Variants in HSPG2 observed in about 807,000 individuals in gnomAD.
HSPG2 encodes the protein basement membrane-specific heparan sulfate proteoglycan core protein.
HSPG2 carries 278 observed loss-of-function variants against 526.6 expected under a neutral mutation model. The ratio of observed to expected loss-of-function variants is 0.53; its 90% confidence interval spans 0.48 to 0.58. The LOEUF is 0.58. HSPG2 is among the 20% of genes least tolerant of loss of function. The pLI is 0.00. For missense variants in HSPG2, 5,354 were observed against 6,099.5 expected, an observed-to-expected ratio of 0.88 and a Z score of 4.07; for synonymous variants, 2,465 against 2,555.4, an observed-to-expected ratio of 0.96 and a Z score of 1.07.
rs1257261723 is a variant in HSPG2, at chr1:21,898,791, C to T, written c.64-2481G>A. 6.6e-6 allele frequency among the ~76,000 whole-genome samples: 1 copy of T among 152,210 alleles called. No individual in the cohort carries two copies. The highest frequency in any genetic ancestry group is 1.9e-4 in the East Asian group (1 of 5,190). On this transcript the variant is annotated intron_variant, in intron 1 of 96. Transcript: ENST00000374695. The surrounding 1 kb of genome is among the most constrained non-coding windows in gnomAD (Gnocchi z 4.0). ...GCTCTGTCAATGCCAATCCCCCTCT[C>T]ATTGCAACCAAGGTTATGGAGGGCA...
intron 1 of HSPG2, among the ~76,000 whole-genome samples, chr1:21,911,164 G>A (rs1008750531): frequency 3.3e-5 from 5 of 152,210 alleles, no homozygotes; most frequent in African/African-American, 7.2e-5. Context: ...TCTTCAGGTC[G>A]TTGGTAGGAT....
chr1:21,923,950 T>C (rs1644115416), intron 1 of HSPG2, among the ~76,000 whole-genome samples: 2 of 152,232 alleles, frequency 1.3e-5, no homozygotes, highest in Admixed American at 1.3e-4. Flanking sequence ...TTGTGACTCC[T>C]AGTCACACTT....
At chr1:21,920,312 C>G (rs1644000886) in intron 1 of HSPG2, among the ~76,000 whole-genome samples, 1 of 152,260 alleles carries the variant, frequency 6.6e-6, no homozygotes, top group African/African-American at 2.4e-5. Flanking sequence ...AAGGCCAAGT[C>G]TGCCAAGTCA....
In HSPG2 at chr1:21,824,370, C is replaced by T. The variant is rs1383334331; in HGVS notation, c.12751G>A (p.Gly4251Arg). Residue 4251 changes from glycine to arginine, a missense_variant, in exon 94 of 97, where the codon GGA becomes AGA. Transcript: ENST00000374695. The surrounding 1 kb of genome is among the most constrained non-coding windows in gnomAD (Gnocchi z 5.9). ...AAGTCCTTGCCTTGGCCGGCCTCTCCCACCTCCTGCCAGGGAAGCACAGGG... is the reference window on the plus strand; with the variant it reads ...AAGTCCTTGCCTTGGCCGGCCTCTCTCACCTCCTGCCAGGGAAGCACAGGG... The part of the protein sequence containing the change: ...GLLLWQGVEV[G>R]EAGQGKDFIS... 3.7e-6 allele frequency: 6 copies of T among 1,613,752 alleles called. No individual in the cohort carries two copies. Among genetic ancestry groups the T allele is most frequent in the Non-Finnish European group, 4.2e-6 (5 of 1,180,016 alleles).
intron 1 of HSPG2, among the ~76,000 whole-genome samples, chr1:21,931,657 A>G (rs1305002617): frequency 6.6e-6 from 1 of 152,158 alleles, no homozygotes; most frequent in Non-Finnish European, 1.5e-5. Context: ...CATATACCCC[A>G]AGTAGTCTGA....
At position 21,881,191 on chromosome 1, in the gene HSPG2, T is replaced by G. The variant is rs1484637562; in HGVS notation, c.1818+148A>C. On this transcript the variant is annotated intron_variant, in intron 14 of 96. Coordinates refer to ENST00000374695, the MANE Select transcript of HSPG2 (RefSeq NM_005529.7). ...ACAGTGCAGGGGAGAGGTCCTGCCC[T>G]GAATGGATGAGCCGCTGCCACAGGG... The G allele has an allele frequency of 8.0e-6, 8 of 1,000,766 alleles. No individual in the cohort carries two copies. The East Asian group carries it at 1.2e-4, about 15-fold the overall frequency. 62.0% of individuals were successfully genotyped at this position (1,000,766 alleles called of 1,614,324 possible).
intron 1 of HSPG2, among the ~76,000 whole-genome samples, chr1:21,899,279 G>A (rs911234127): frequency 1.3e-5 from 2 of 152,206 alleles, no homozygotes; most frequent in African/African-American, 2.4e-5. Context: ...TGGGAGAGCA[G>A]ATGGAACCAG....
At chr1:21,905,275 A>C (rs1425978260) in intron 1 of HSPG2, among the ~76,000 whole-genome samples, 2 of 151,426 alleles carry the variant, frequency 1.3e-5, no homozygotes, top group African/African-American at 4.9e-5. Context: ...ACACACACAC[A>C]CACACGCCAC....
At chr1:21,877,869 A>G (rs186464731) in intron 21 of HSPG2, among the ~76,000 whole-genome samples, 21 of 152,328 alleles carry the variant, frequency 1.4e-4, no homozygotes, top group African/African-American at 5.1e-4. Flanking sequence ...AATTGGGGAC[A>G]CTAATATCTA....
intron 1 of HSPG2, among the ~76,000 whole-genome samples, chr1:21,934,475 A>G (rs1644428891): frequency 6.6e-6 from 1 of 152,128 alleles, no homozygotes; most frequent in Non-Finnish European, 1.5e-5. Context: ...GGTCTGTAAG[A>G]CTTCAGAGAC....
In HSPG2 at chr1:21,831,760, A is replaced by T. The variant is rs999864859; in HGVS notation, c.11244T>A (p.His3748Gln). The part of the protein sequence containing the change: ...DAGSGMATIR[H>Q]PTPLALGHFH... Reference sequence around the variant, plus strand: ...AATGGCCCAGGGCCAGTGGTGTGGGATGGCGGATGGTGGCCATGCCTGAGC... The same window carrying T: ...AATGGCCCAGGGCCAGTGGTGTGGGTTGGCGGATGGTGGCCATGCCTGAGC... Residue 3748 changes from histidine to glutamine, a missense_variant, in exon 82 of 97, where the codon CAT becomes CAA. His to Gln is a conservative substitution (Grantham distance 24). Transcript: ENST00000374695. 2 of 1,603,710 alleles carry T rather than the reference A, an allele frequency of 1.2e-6. No individual in the cohort carries two copies. The highest frequency in any genetic ancestry group is 3.4e-5 in the Admixed American group (2 of 59,626).
rs1265080496 is a variant in HSPG2, at chr1:21,836,848, C to A, written c.10309G>T (p.Gly3437Trp). Reference sequence around the variant, plus strand: ...CTGTGACCCGGAGGCAGCTGACCCCCTTCCTTGAACCAACGGAGCTGGGTA... The same window carrying A: ...CTGTGACCCGGAGGCAGCTGACCCCATTCCTTGAACCAACGGAGCTGGGTA... ...RGTQLRWFKEGGQLPPGHSVQ... is the reference protein window; with the variant it reads ...RGTQLRWFKEWGQLPPGHSVQ... Residue 3437 changes from glycine to tryptophan, a missense_variant, in exon 75 of 97, where the codon GGG (glycine) becomes TGG (tryptophan). Transcript: ENST00000374695. 1.3e-6 allele frequency: 2 copies of A among 1,582,258 alleles called. No homozygotes were observed. The highest frequency in any genetic ancestry group is 1.7e-6 in the Non-Finnish European group (2 of 1,164,932).
At chr1:21,875,291 C>T (rs991470539) in intron 25 of HSPG2, 4 of 595,322 alleles carry the variant, frequency 6.7e-6, no homozygotes, top group South Asian at 2.0e-5. Flanking sequence ...CCTGAAAGAA[C>T]GATCACTCTC....
intron 1 of HSPG2, among the ~76,000 whole-genome samples, chr1:21,935,095 T>C (rs1644454070): frequency 1.4e-5 from 2 of 148,086 alleles, no homozygotes; most frequent in Admixed American, 6.7e-5. Flanking sequence ...TCAGTACAGA[T>C]GGGGTTTCAC....
Position 21,841,138 on chromosome 1 carries a change from C to CGCT in HSPG2, c.9473_9475dup (p.Gln3158dup). The CGCT allele has an allele frequency of 6.2e-7, 1 of 1,613,312 alleles. No individual in the cohort carries two copies. The highest frequency in any genetic ancestry group is 1.1e-5 in the South Asian group (1 of 91,034). Reference sequence around the variant, plus strand: ...GTGGCTGTCCATGAGCCCATATGTCCGCTGCTCCAACTTGGCAGGGGTGCT... The same window carrying CGCT: ...GTGGCTGTCCATGAGCCCATATGTCCGCTGCTGCTCCAACTTGGCAGGGGTGCT... On this transcript the variant is annotated inframe_insertion, in exon 71 of 97. Coordinates refer to ENST00000374695, the MANE Select transcript of HSPG2 (RefSeq NM_005529.7).
intron 25 of HSPG2, among the ~76,000 whole-genome samples, chr1:21,875,379 C>T (rs1051230552): frequency 3.9e-5 from 6 of 152,084 alleles, no homozygotes; most frequent in African/African-American, 1.2e-4. Flanking sequence ...CCTGCATGGC[C>T]CCTCCCCCCT....
chr1:21,890,681 G>C lies in HSPG2; in HGVS notation c.258C>G (p.Ala86=). ...SGDFQMVYFR[A]LVNFTRSIEY... ...CGATGGAGCGAGTGAAATTCACCAG[G>C]GCTCGGAAATAAACTGGAAAATCGA... Residue 86 remains alanine, a synonymous_variant, in exon 4 of 97, where the codon GCC becomes GCG. Transcript: ENST00000374695. The surrounding 1 kb of genome is among the most constrained non-coding windows in gnomAD (Gnocchi z 4.1). The C allele has an allele frequency of 6.2e-7, 1 of 1,613,442 alleles. No individual in the cohort carries two copies. The highest frequency in any genetic ancestry group is 8.5e-7 in the Non-Finnish European group (1 of 1,179,458).
At position 21,865,253 on chromosome 1, in the gene HSPG2, G is replaced by T; in HGVS notation, c.4395+32C>A. The T allele has an allele frequency of 6.2e-7, 1 of 1,603,440 alleles. No homozygotes were observed. The highest frequency in any genetic ancestry group is 8.5e-7 in the Non-Finnish European group (1 of 1,170,312). ...TGAGTCAGGGTGGAGGGTGGGGTGG[G>T]GTTAGACACAGCATGGCCAGGTGCC... On this transcript the variant is annotated intron_variant, in intron 35 of 96. Coordinates refer to ENST00000374695, the MANE Select transcript of HSPG2 (RefSeq NM_005529.7). This position sits in a 1 kb window ranked among gnomAD's most constrained non-coding sequence, Gnocchi z 5.4.
chr1:21,847,807 G>A lies in HSPG2; in HGVS notation c.7907C>T (p.Ser2636Leu), dbSNP rs200071497. ...PSVSPPIRIESSSPTVVEGQT... is the reference protein window; with the variant it reads ...PSVSPPIRIELSSPTVVEGQT... ...CCCTTCCACCACCGTGGGGGAAGAC[G>A]ACTCGATCCTGATCGGTGGGGAGAC... The change falls in exon 61 of 97, where the codon TCG becomes TTG. Residue 2636 changes from serine (S) to leucine (L), a missense_variant. Ser to Leu is a moderately radical substitution (Grantham distance 145). Transcript: ENST00000374695. This position sits in a 1 kb window ranked among gnomAD's most constrained non-coding sequence, Gnocchi z 4.1. 7.4e-6 allele frequency: 12 copies of A among 1,613,868 alleles called. No individual in the cohort carries two copies. The highest frequency in any genetic ancestry group is 1.1e-5 in the South Asian group (1 of 91,074).
Sources: gnomAD v4.1 joint callset for allele counts (sites outside exome capture counted in the v4.1 genomes callset) on GRCh38, gnomAD v4.1.1 for gene constraint, Gnocchi (gnomAD v3.1) non-coding constraint, MANE v1.5 for transcripts, NCBI Gene and HGNC (gene_info 2026-07-23, HGNC 2026-07-21) for gene names.